DOCK1: variants seen among roughly 807,000 people sequenced by gnomAD.
DOCK1 encodes dedicator of cytokinesis protein 1.
In DOCK1, 138 loss-of-function variants were observed where a neutral mutation model predicts 262.7. The observed-to-expected ratio is 0.53, with a 90% CI of 0.46 to 0.61. The LOEUF (loss-of-function observed/expected upper bound fraction) is 0.61, where lower values mean the gene tolerates loss of function less well. DOCK1 is among the 20% of genes least tolerant of loss of function. DOCK1 has a pLI of 0.00. For missense variants in DOCK1, 1,908 were observed against 2,370.7 expected (o/e 0.80, Z 4.05); for synonymous variants, 866 against 867.4 (o/e 1.00, Z 0.03).
chr10:127,230,082 C>T (rs1255228222), intron 27 of DOCK1, among the ~76,000 whole-genome samples: 1 of 152,154 alleles, frequency 6.6e-6, no homozygotes, highest in Non-Finnish European at 1.5e-5. Context: ...TATGTCTGTC[C>T]ATTTCCTTTG....
intron 27 of DOCK1, among the ~76,000 whole-genome samples, chr10:127,202,312 G>A (rs1223239359): frequency 1.3e-5 from 2 of 150,932 alleles, no homozygotes; most frequent in African/African-American, 4.9e-5. Flanking sequence ...GACAGAGCGA[G>A]ACTCTGTCTC....
chr10:127,108,984 T>A (rs926014865), intron 24 of DOCK1, among the ~76,000 whole-genome samples: 3 of 152,222 alleles, frequency 2.0e-5, no homozygotes, highest in African/African-American at 7.2e-5. Flanking sequence ...GCTGTTGAGT[T>A]GTATTCAAGT....
chr10:127,160,279 T>C (rs2053482983), intron 27 of DOCK1, among the ~76,000 whole-genome samples: 1 of 152,230 alleles, frequency 6.6e-6, no homozygotes, highest in African/African-American at 2.4e-5. Context: ...TATTGGGTTA[T>C]TGGATTGATG....
intron 23 of DOCK1, among the ~76,000 whole-genome samples, chr10:127,097,883 CCATAATGGT>C (rs2048003875): frequency 6.6e-6 from 1 of 152,218 alleles, no homozygotes; most frequent in Non-Finnish European, 1.5e-5. Context: ...CTGGGCCAGG[CCATAATGGT>C]GTATTCGTAC....
chr10:126,937,508 T>C (rs1415629069), intron 1 of DOCK1, among the ~76,000 whole-genome samples: 2 of 120,380 alleles, frequency 1.7e-5, no homozygotes, highest in Non-Finnish European at 3.4e-5. Context: ...CACTTGTTAT[T>C]TTCTGTTTTT....
At chr10:127,403,209 C>G in intron 39 of DOCK1, 65 bp downstream of exon 39, 1 of 1,493,458 alleles carries the variant, frequency 6.7e-7, no homozygotes. Flanking sequence ...TCAGGAATCT[C>G]TCTTTCCATG....
In DOCK1 at chr10:127,302,381, C is replaced by T. The variant is rs377602142; in HGVS notation, c.3045-36625C>T. Among the ~76,000 whole-genome samples, 79 of 152,242 alleles carry T rather than the reference C, an allele frequency of 5.2e-4. No homozygotes were observed. In the South Asian group the frequency reaches 9.5e-3, roughly 18 times the overall value. ...TAGACTACAGGAGAGCCCTGGGGGG[C>T]CACTCCTGGGGCCAGGAGCTGCTCC... On this transcript the variant is annotated intron_variant, in intron 29 of 51. Transcript: ENST00000623213.
intron 6 of DOCK1, among the ~76,000 whole-genome samples, chr10:126,992,816 A>G (rs1202595278): frequency 1.6e-4 from 3 of 19,212 alleles, no homozygotes; most frequent in Admixed American, 6.6e-4. Context: ...AGTTCTACAC[A>G]TGATTTCAGG....
chr10:127,008,345 G>A (rs1162270189), intron 10 of DOCK1, among the ~76,000 whole-genome samples: 1 of 152,194 alleles, frequency 6.6e-6, no homozygotes, highest in Non-Finnish European at 1.5e-5. Flanking sequence ...CACTGTGCCT[G>A]CCTTGGTCTC....
At chr10:126,921,329 G>A (rs1339981340) in intron 1 of DOCK1, among the ~76,000 whole-genome samples, 1 of 151,986 alleles carries the variant, frequency 6.6e-6, no homozygotes, top group East Asian at 1.9e-4. Flanking sequence ...AACAAAACAT[G>A]GTATGTCCCT....
Position 127,043,556 on chromosome 10 carries a change from G to A in DOCK1, c.2201+392G>A, listed in dbSNP as rs148438576. ...ATTGGTTGTTTAGTGTGAATTAGAT[G>A]CAGTTTTGTACTTTGCAATGTATCT... On this transcript the variant is annotated intron_variant, in intron 21 of 51. Transcript: ENST00000623213. Among the ~76,000 whole-genome samples, 1,110 of 152,336 alleles carry A rather than the reference G, an allele frequency of 7.3e-3. 17 individuals carry two copies. The highest frequency in any genetic ancestry group is 0.025 in the African/African-American group (1,044 of 41,576).
chr10:127,022,911 C>T (rs2275536), intron 13 of DOCK1, among the ~76,000 whole-genome samples: 28,664 of 152,006 alleles, frequency 0.19, 2,758 homozygotes, highest in Non-Finnish European at 0.21. Flanking sequence ...TATTGGAGCC[C>T]CTCTGGTTGT....
intron 44 of DOCK1, 50 bp downstream of exon 44, chr10:127,415,288 C>A: frequency 6.4e-7 from 1 of 1,557,234 alleles, no homozygotes; most frequent in South Asian, 1.2e-5. Context: ...TTCCTCAATA[C>A]AGTCTGCCAC....
intron 1 of DOCK1, among the ~76,000 whole-genome samples, chr10:126,934,510 A>G (rs2034416473): frequency 6.6e-6 from 1 of 152,262 alleles, no homozygotes. Context: ...TAAATTCTGC[A>G]AATACCCAAA....
intron 28 of DOCK1, among the ~76,000 whole-genome samples, chr10:127,254,171 G>C (rs10829651): frequency 6.6e-6 from 1 of 151,874 alleles, no homozygotes; most frequent in Non-Finnish European, 1.5e-5. Context: ...TCCTTTTCAC[G>C]CATTGCATTT....
intron 29 of DOCK1, among the ~76,000 whole-genome samples, chr10:127,325,314 G>A (rs753325427): frequency 1.1e-4 from 17 of 152,190 alleles, no homozygotes; most frequent in Non-Finnish European, 2.1e-4. Flanking sequence ...GCTGGCACTC[G>A]CTGTTTGAGT....
At chr10:127,439,267 A>G (rs2069911499) in intron 49 of DOCK1, 42 bp downstream of exon 49, 2 of 1,570,432 alleles carry the variant, frequency 1.3e-6, no homozygotes, top group African/African-American at 1.4e-5. Flanking sequence ...CGGTAGCTTC[A>G]GGGACCTACC....
intron 10 of DOCK1, 31 bp from the exon 11 acceptor site, chr10:127,008,701 A>G: frequency 1.3e-6 from 2 of 1,554,494 alleles, no homozygotes; most frequent in Non-Finnish European, 1.7e-6. Context: ...CATTTAAGCC[A>G]AAACAATCTC....
chr10:127,012,432 C>A lies in DOCK1; in HGVS notation c.1201+58C>A. On this transcript the variant is annotated intron_variant, in intron 12 of 51. Transcript: ENST00000623213. This position sits in a 1 kb window ranked among gnomAD's most constrained non-coding sequence, Gnocchi z 4.0. The stretch of plus-strand genomic sequence containing the variant: ...TGTATTTGCATGCGTTGGGGCAGTG[C>A]TGTCTGGGTTGGTTTTAGTTTGATG... 2 of 1,539,106 alleles carry A rather than the reference C, an allele frequency of 1.3e-6. No individual in the cohort carries two copies. Among genetic ancestry groups the A allele is most frequent in the South Asian group, 1.1e-5 (1 of 87,330 alleles).
Sources: allele counts gnomAD v4.1 joint callset (sites outside exome capture counted in the v4.1 genomes callset), GRCh38; gene constraint gnomAD v4.1.1; non-coding constraint Gnocchi (gnomAD v3.1); transcripts MANE v1.5; gene names NCBI Gene and HGNC (gene_info 2026-07-23, HGNC 2026-07-21).